LARS1: variants seen among roughly 807,000 people sequenced by gnomAD.
The protein encoded by LARS1 is leucine--tRNA ligase, cytoplasmic.
Under a neutral mutation model 162.8 loss-of-function variants are expected in LARS1, and 100 were observed. That is an observed-to-expected ratio of 0.61 (90% confidence interval 0.52 to 0.73). The LOEUF is 0.73. Ranked by LOEUF, LARS1 falls within the 30% of genes least tolerant of loss-of-function variation. LARS1 has a pLI of 0.00. For synonymous variants in LARS1, 457 were observed against 462.8 expected, an observed-to-expected ratio of 0.99 and a Z score of 0.16; for missense variants, 1,258 against 1,408.9, an observed-to-expected ratio of 0.89 and a Z score of 1.71.
chr5:146,172,919 C>A, intron 2 of LARS1, 145 bp from the exon 3 acceptor site: 1 of 422,782 alleles, frequency 2.4e-6, no homozygotes, highest in Non-Finnish European at 4.2e-6. Flanking sequence ...TATAAATCTA[C>A]AAATTTAAAA....
chr5:146,116,161 TG>T (rs1315850935), intron 31 of LARS1, among the ~76,000 whole-genome samples: 2 of 152,190 alleles, frequency 1.3e-5, no homozygotes, highest in African/African-American at 4.8e-5. Flanking sequence ...AAAATTAAAA[TG>T]GGAAGAGAGC....
intron 27 of LARS1, among the ~76,000 whole-genome samples, chr5:146,128,121 A>AAG (rs1752117982): frequency 6.6e-6 from 1 of 152,160 alleles, no homozygotes; most frequent in Non-Finnish European, 1.5e-5. Context: ...ACTTAGATCT[A>AAG]AGTTATTGAG....
intron 4 of LARS1, among the ~76,000 whole-genome samples, chr5:146,170,149 T>C (rs566089909): frequency 2.7e-4 from 41 of 152,182 alleles, no homozygotes; most frequent in African/African-American, 9.6e-4. Context: ...GATAATTACA[T>C]GCAATGTGTG....
At chr5:146,124,476 T>C (rs557137735) in intron 28 of LARS1, among the ~76,000 whole-genome samples, 2 of 151,828 alleles carry the variant, frequency 1.3e-5, no homozygotes, top group Non-Finnish European at 2.9e-5. Flanking sequence ...AAAACAAAAT[T>C]TTAATTTTCT....
chr5:146,160,244 C>G, intron 7 of LARS1, 130 bp downstream of exon 7: 3 of 480,470 alleles, frequency 6.2e-6, no homozygotes, highest in Non-Finnish European at 1.1e-5. Flanking sequence ...CTATGTTGCC[C>G]AGGCTGGTCT....
chr5:146,145,016 G>A (rs1023295599), intron 15 of LARS1, among the ~76,000 whole-genome samples: 5 of 152,058 alleles, frequency 3.3e-5, no homozygotes, highest in South Asian at 4.1e-4. Flanking sequence ...CAGCAGTTTC[G>A]AATCCTATGG....
chr5:146,151,277 A>C (rs1481891423), intron 14 of LARS1, among the ~76,000 whole-genome samples: 1 of 152,198 alleles, frequency 6.6e-6, no homozygotes, highest in African/African-American at 2.4e-5. Context: ...AGCTAAACTA[A>C]AAAACATTCT....
intron 23 of LARS1, chr5:146,131,397 A>G (rs766029694): frequency 6.7e-5 from 14 of 208,792 alleles, no homozygotes; most frequent in Non-Finnish European, 1.3e-4. Flanking sequence ...ACAATAAATG[A>G]TGCTTCTTCA....
Position 146,182,601 on chromosome 5 carries a change from A to C in LARS1, c.-108T>G. 7.0e-7 allele frequency: 1 copy of C among 1,418,874 alleles called. No individual in the cohort carries two copies. The highest frequency in any genetic ancestry group is 1.0e-6 in the Non-Finnish European group (1 of 1,003,384). 87.9% of individuals were successfully genotyped at this position (1,418,874 alleles called of 1,614,324 possible). Reference sequence around the variant, plus strand: ...TCGGGGATGCCAGGCCTCCCACGAAACTAAAGCACACGCTTCACACCTGCT... The same window carrying C: ...TCGGGGATGCCAGGCCTCCCACGAACCTAAAGCACACGCTTCACACCTGCT... On this transcript the variant is annotated 5_prime_UTR_variant, in exon 1 of 32. Coordinates refer to ENST00000394434, the MANE Select transcript of LARS1 (RefSeq NM_020117.11).
chr5:146,114,995 G>A (rs997497829), intron 31 of LARS1, among the ~76,000 whole-genome samples: 21 of 144,566 alleles, frequency 1.5e-4, no homozygotes, highest in Admixed American at 7.3e-5. Context: ...GGTGAGCCAA[G>A]ATCGCGCCAC....
At chr5:146,120,606 G>A (rs2126369733) in intron 30 of LARS1, 103 bp from the exon 31 acceptor site, 1 of 1,170,232 alleles carries the variant, frequency 8.5e-7, no homozygotes, top group Non-Finnish European at 1.2e-6. Context: ...ATCTAATTCT[G>A]GTATTTTAAA....
At chr5:146,116,220 A>G (rs548018864) in intron 31 of LARS1, among the ~76,000 whole-genome samples, 1 of 152,340 alleles carries the variant, frequency 6.6e-6, no homozygotes, top group South Asian at 2.1e-4. Flanking sequence ...GGAAGAATAC[A>G]ATTAATTTTA....
intron 6 of LARS1, among the ~76,000 whole-genome samples, chr5:146,161,121 TAA>T (rs1184118357): frequency 3.3e-5 from 5 of 152,352 alleles, no homozygotes; most frequent in African/African-American, 9.6e-5. Flanking sequence ...TGAATTATGT[TAA>T]GTGTGCAATA....
chr5:146,167,685 C>T (rs548055706), intron 5 of LARS1, among the ~76,000 whole-genome samples: 3 of 151,524 alleles, frequency 2.0e-5, no homozygotes, highest in Non-Finnish European at 4.4e-5. Context: ...TGAGCCACCA[C>T]GCCCGGCTAA....
In LARS1 at chr5:146,132,972, C is replaced by T; in HGVS notation, c.2322G>A (p.Val774=). Residue 774 remains valine (V), a synonymous_variant, in exon 23 of 32, where the codon GTG becomes GTA. Transcript: ENST00000394434. The part of the protein sequence containing the change: ...ILRLYTWVEW[V]KEMVANWDSL... ...TGTCCCAGTTGGCAACCATTTCTTTCACCCACTCTACCCAGGTGTACAGAC... is the reference window on the plus strand; with the variant it reads ...TGTCCCAGTTGGCAACCATTTCTTTTACCCACTCTACCCAGGTGTACAGAC... 6.2e-7 allele frequency: 1 copy of T among 1,614,140 alleles called. No individual in the cohort carries two copies. Among genetic ancestry groups the T allele is most frequent in the Non-Finnish European group, 8.5e-7 (1 of 1,179,992 alleles).
At chr5:146,140,293 A>G (rs774599878) in intron 20 of LARS1, 32 bp from the exon 21 acceptor site, 20 of 1,559,072 alleles carry the variant, frequency 1.3e-5, no homozygotes, top group Non-Finnish European at 1.8e-5. Flanking sequence ...GATAGAAAAT[A>G]AAAAAACAAA....
At chr5:146,167,231 A>G (rs1754051042) in intron 5 of LARS1, among the ~76,000 whole-genome samples, 1 of 152,216 alleles carries the variant, frequency 6.6e-6, no homozygotes, top group African/African-American at 2.4e-5. Context: ...AACTGGTAAA[A>G]TCCAAAAAGT....
intron 1 of LARS1, among the ~76,000 whole-genome samples, chr5:146,178,128 G>A (rs1034310430): frequency 3.9e-5 from 6 of 152,114 alleles, no homozygotes; most frequent in African/African-American, 1.4e-4. Context: ...CATGACCTGT[G>A]TACCTCAAAC....
At chr5:146,133,164 T>C (rs1435307526) in intron 22 of LARS1, 83 bp from the exon 23 acceptor site, 24 of 1,156,154 alleles carry the variant, frequency 2.1e-5, no homozygotes, top group Non-Finnish European at 2.3e-5. Flanking sequence ...GTTGGATACC[T>C]TGCAAAGCCC....
Sources: allele counts gnomAD v4.1 joint callset (sites outside exome capture counted in the v4.1 genomes callset), GRCh38; gene constraint gnomAD v4.1.1; transcripts MANE v1.5; gene names NCBI Gene and HGNC (gene_info 2026-07-23, HGNC 2026-07-21).